Variants in SBF2 observed in about 807,000 individuals in gnomAD.
SBF2 encodes the protein SET binding factor 2.
In SBF2, 112 loss-of-function variants were observed where a neutral mutation model predicts 225.2. The observed-to-expected ratio is 0.50, with a 90% CI of 0.43 to 0.58. SBF2 has a LOEUF of 0.58. Among genes scored for constraint, SBF2 ranks in the 20% least tolerant of loss-of-function variants. The pLI, the probability that SBF2 is intolerant of heterozygous loss-of-function variation, is 0.00. For synonymous variants in SBF2, 763 were observed against 773.3 expected (o/e 0.99, Z 0.22); for missense variants, 1,996 against 2,206.2 (o/e 0.90, Z 1.91).
At chr11:10,056,941 G>A (rs1371304394) in intron 2 of SBF2, among the ~76,000 whole-genome samples, 1 of 151,972 alleles carries the variant, frequency 6.6e-6, no homozygotes. Flanking sequence ...TTTTTAAGCA[G>A]TTCCAATCCC....
chr11:9,978,656 T>G (rs1442452779), intron 13 of SBF2, among the ~76,000 whole-genome samples: 2 of 152,092 alleles, frequency 1.3e-5, no homozygotes, highest in Non-Finnish European at 2.9e-5. Context: ...TTTGTTTTTG[T>G]TTTTGAGACA....
intron 2 of SBF2, among the ~76,000 whole-genome samples, chr11:10,180,629 A>G (rs1245009866): frequency 6.6e-6 from 1 of 151,794 alleles, no homozygotes; most frequent in Admixed American, 6.6e-5. Context: ...GTTTGGGGTA[A>G]TTTTCTGTTA....
chr11:9,957,574 C>T (rs1481379770), intron 16 of SBF2: 1 of 152,106 alleles, frequency 6.6e-6, no homozygotes, highest in Non-Finnish European at 1.5e-5. Context: ...ATTCTCCTGC[C>T]TCAGCCTCCT....
At chr11:9,816,815 C>A (rs1208329132) in intron 29 of SBF2, 25 bp downstream of exon 29, 1 of 1,611,404 alleles carries the variant, frequency 6.2e-7, no homozygotes. Context: ...CATAAAGTTT[C>A]TAAGTGAGAA....
intron 6 of SBF2, among the ~76,000 whole-genome samples, chr11:10,012,838 T>C (rs1948509053): frequency 6.6e-6 from 1 of 152,164 alleles, no homozygotes. Flanking sequence ...AATCTGCTTG[T>C]AATGTTAGGC....
chr11:9,955,973 T>C (rs2134340822), intron 16 of SBF2, among the ~76,000 whole-genome samples: 1 of 152,266 alleles, frequency 6.6e-6, no homozygotes, highest in Non-Finnish European at 1.5e-5. Flanking sequence ...CATATTATAG[T>C]TGAATTGTCC....
chr11:10,294,214 C>G lies in SBF2; in HGVS notation c.-145G>C. 3.6e-6 allele frequency: 2 copies of G among 561,330 alleles called. No individual in the cohort carries two copies. The highest frequency in any genetic ancestry group is 5.3e-6 in the Non-Finnish European group (2 of 378,556). The allele number at this position is 561,330 out of a possible 1,614,324, so 34.8% of individuals were successfully genotyped here. A position where few individuals can be genotyped will look rare whatever the true frequency, so the allele number is the denominator to read the frequency against. ...TCAGCCATGTTTGACAACCGAGGCGCGCTCTGCGCTTGCGCGGCGCCTAGT... is the reference window on the plus strand; with the variant it reads ...TCAGCCATGTTTGACAACCGAGGCGGGCTCTGCGCTTGCGCGGCGCCTAGT... On this transcript the variant is annotated 5_prime_UTR_variant, in exon 1 of 40. Transcript: ENST00000256190.
intron 1 of SBF2, among the ~76,000 whole-genome samples, chr11:10,204,030 A>C (rs1957660964): frequency 6.6e-6 from 1 of 151,998 alleles, no homozygotes; most frequent in Non-Finnish European, 1.5e-5. Context: ...CTGATCATAG[A>C]AGCTCATCAA....
At chr11:9,925,729 G>C (rs1218061266) in intron 16 of SBF2, among the ~76,000 whole-genome samples, 1 of 152,120 alleles carries the variant, frequency 6.6e-6, no homozygotes, top group Non-Finnish European at 1.5e-5. Flanking sequence ...GACTACATTA[G>C]ACTACAATAC....
Position 9,790,640 on chromosome 11 carries a change from T to C in SBF2, c.4614A>G (p.Gly1538=), listed in dbSNP as rs750092509. The change falls in exon 34 of 40, where the codon GGA becomes GGG. Residue 1538 remains glycine, a synonymous_variant. Transcript: ENST00000256190. ...TGTCAATACATTCCCAAATACAGACTCCTTTTTTGGCATGCTTTTCTCCTT... is the reference window on the plus strand; with the variant it reads ...TGTCAATACATTCCCAAATACAGACCCCTTTTTTGGCATGCTTTTCTCCTT... The part of the protein sequence containing the change: ...DDKGEKHAKK[G]VCIWECIDRM... 1.8e-5 allele frequency: 28 copies of C among 1,589,496 alleles called. No homozygotes were observed. The African/African-American group carries it at 3.4e-4, about 19-fold the overall frequency.
rs187869227 is a variant in SBF2, at chr11:10,145,073, G to A, written c.141+48829C>T. ...AGGAGTATGGGGATTAGGAATTCAC[G>A]TAGCACAAAGAGGCGATGGCTTGTC... On this transcript the variant is annotated intron_variant, in intron 2 of 39. Transcript: ENST00000256190. 2.0e-5 allele frequency among the ~76,000 whole-genome samples: 3 copies of A among 152,274 alleles called. No individual in the cohort carries two copies. The East Asian group carries it at 5.8e-4, about 29-fold the overall frequency.
chr11:9,832,861 GC>G (rs1855483215), intron 26 of SBF2, among the ~76,000 whole-genome samples: 2 of 152,254 alleles, frequency 1.3e-5, no homozygotes, highest in South Asian at 4.2e-4. Flanking sequence ...TTTGAAAAGA[GC>G]CCCATTCACT....
intron 1 of SBF2, among the ~76,000 whole-genome samples, chr11:10,267,043 G>A (rs11042705): frequency 3.3e-5 from 5 of 152,144 alleles, no homozygotes; most frequent in African/African-American, 4.8e-5. Flanking sequence ...GCAATGGGCC[G>A]AGATCGTGCC....
At chr11:9,952,801 A>G (rs1042853668) in intron 16 of SBF2, among the ~76,000 whole-genome samples, 6 of 152,180 alleles carry the variant, frequency 3.9e-5, no homozygotes, top group African/African-American at 1.4e-4. Flanking sequence ...AGTTTTCAAA[A>G]TCACAGGCTC....
chr11:10,225,264 T>C (rs1958495342), intron 1 of SBF2, among the ~76,000 whole-genome samples: 1 of 152,050 alleles, frequency 6.6e-6, no homozygotes. Context: ...TTTGAGAATA[T>C]TATTGGTATT....
chr11:9,972,786 A>T (rs911182447), intron 13 of SBF2, among the ~76,000 whole-genome samples: 2 of 152,184 alleles, frequency 1.3e-5, no homozygotes, highest in African/African-American at 4.8e-5. Context: ...CAGCCCTCCA[A>T]TAAGTTTTAA....
chr11:10,228,533 C>G (rs901760533), intron 1 of SBF2, among the ~76,000 whole-genome samples: 17 of 151,990 alleles, frequency 1.1e-4, no homozygotes, highest in Admixed American at 7.2e-4. Flanking sequence ...TAGCATGAAG[C>G]ATTGTTGAAT....
intron 6 of SBF2, among the ~76,000 whole-genome samples, chr11:10,008,703 A>G (rs1354809330): frequency 6.6e-6 from 1 of 152,244 alleles, no homozygotes; most frequent in Non-Finnish European, 1.5e-5. Flanking sequence ...GCAACTGGAA[A>G]TAGGACTGCC....
chr11:10,118,964 C>G (rs1953303391), intron 2 of SBF2, among the ~76,000 whole-genome samples: 2 of 151,154 alleles, frequency 1.3e-5, no homozygotes, highest in Non-Finnish European at 3.0e-5. Flanking sequence ...GCATCTTCCT[C>G]TGTTAAAGTC....
Sources: allele counts gnomAD v4.1 joint callset (sites outside exome capture counted in the v4.1 genomes callset), GRCh38; gene constraint gnomAD v4.1.1; transcripts MANE v1.5; gene names NCBI Gene and HGNC (gene_info 2026-07-23, HGNC 2026-07-21).